MACROD2: variants seen among roughly 807,000 people sequenced by gnomAD.
MACROD2 encodes mono-ADP ribosylhydrolase 2.
A neutral mutation model predicts 70.4 loss-of-function variants in MACROD2; 36 were observed. The observed-to-expected ratio is 0.51, with a 90% CI of 0.39 to 0.68. MACROD2 has a LOEUF of 0.68. Among genes scored for constraint, MACROD2 ranks in the 30% least tolerant of loss-of-function variants. MACROD2 has a pLI of 0.00. For synonymous variants in MACROD2, 172 were observed against 178.8 expected, an observed-to-expected ratio of 0.96 and a Z score of 0.30; for missense variants, 496 against 538.4, an observed-to-expected ratio of 0.92 and a Z score of 0.78.
intron 6 of MACROD2, among the ~76,000 whole-genome samples, chr20:15,382,579 G>A (rs2045658722): frequency 1.3e-5 from 2 of 152,174 alleles, no homozygotes; most frequent in South Asian, 4.1e-4. Context: ...ACTTGATGAA[G>A]CAGACTCAGA....
At chr20:14,070,790 G>C (rs1244966390) in intron 2 of MACROD2, among the ~76,000 whole-genome samples, 1 of 152,036 alleles carries the variant, frequency 6.6e-6, no homozygotes, top group Non-Finnish European at 1.5e-5. Context: ...CAAAATACAG[G>C]GATTTCAATA....
intron 3 of MACROD2, among the ~76,000 whole-genome samples, chr20:14,372,484 A>G (rs2083334343): frequency 1.3e-5 from 2 of 152,070 alleles, no homozygotes; most frequent in Non-Finnish European, 2.9e-5. Context: ...GTGTCTTTTT[A>G]GTGGTATATT....
chr20:14,300,359 A>G (rs1024169760), intron 3 of MACROD2, among the ~76,000 whole-genome samples: 2 of 152,212 alleles, frequency 1.3e-5, no homozygotes, highest in African/African-American at 4.8e-5. Flanking sequence ...GTGCCTTGAA[A>G]ATAGATGTGT....
intron 7 of MACROD2, among the ~76,000 whole-genome samples, chr20:15,489,381 C>T (rs143777056): frequency 7.2e-5 from 11 of 152,172 alleles, no homozygotes; most frequent in African/African-American, 1.9e-4. Flanking sequence ...GGGAAAGAAG[C>T]GATGTCACAA....
chr20:15,980,134 T>A (rs928501117), intron 13 of MACROD2, among the ~76,000 whole-genome samples: 8 of 152,202 alleles, frequency 5.3e-5, no homozygotes, highest in African/African-American at 1.4e-4. Flanking sequence ...TTCACAATAG[T>A]CTTCTATACA....
intron 6 of MACROD2, among the ~76,000 whole-genome samples, chr20:15,326,755 G>A (rs1165272501): frequency 1.3e-5 from 2 of 152,072 alleles, no homozygotes; most frequent in African/African-American, 4.8e-5. Context: ...CCAAGACCAA[G>A]CATATACAGA....
rs965856630 is a variant in MACROD2, at chr20:14,976,653, A to G, written c.419-253287A>G. On this transcript the variant is annotated intron_variant, in intron 5 of 17. Coordinates refer to ENST00000684519, the MANE Select transcript of MACROD2 (RefSeq NM_001351661.2). ...TTTTAGCCTACCTCGGTTGGTTTCT[A>G]TGTAATATTCTAGATGGATGGAAAG... Among the ~76,000 whole-genome samples the G allele has an allele frequency of 2.2e-4, 33 of 152,144 alleles. 1 individual carries two copies. The highest frequency in any genetic ancestry group is 3.8e-4 in the Non-Finnish European group (26 of 68,028).
At chr20:15,045,419 G>T (rs1436916163) in intron 5 of MACROD2, among the ~76,000 whole-genome samples, 1 of 152,162 alleles carries the variant, frequency 6.6e-6, no homozygotes, top group Admixed American at 6.5e-5. Flanking sequence ...GTGAGTAAAG[G>T]ATTTGGCAGC....
Position 16,051,455 on chromosome 20 carries a change from A to ATAT in MACROD2, c.*1579_*1580insTAT, listed in dbSNP as rs2067457349. 5 of 152,182 alleles carry ATAT rather than the reference A, an allele frequency of 3.3e-5. No individual in the cohort carries two copies. Among genetic ancestry groups the ATAT allele is most frequent in the African/African-American group, 7.2e-5 (3 of 41,440 alleles). 9.4% of individuals were successfully genotyped at this position (152,182 alleles called of 1,614,324 possible). ...ATTTGATATACTGGAATAGTTAACAAGCTATACTTCAGCATATGCACTATA... is the reference window on the plus strand; with the variant it reads ...ATTTGATATACTGGAATAGTTAACAATATGCTATACTTCAGCATATGCACTATA... On this transcript the variant is annotated 3_prime_UTR_variant, in exon 18 of 18. Coordinates refer to ENST00000684519, the MANE Select transcript of MACROD2 (RefSeq NM_001351661.2).
chr20:15,064,710 A>G (rs1411200464), intron 5 of MACROD2, among the ~76,000 whole-genome samples: 1 of 152,236 alleles, frequency 6.6e-6, no homozygotes, highest in Non-Finnish European at 1.5e-5. Context: ...AGATGTGCAT[A>G]GGAGCTCTTT....
chr20:15,219,045 CAAA>C (rs1342587848), intron 5 of MACROD2, among the ~76,000 whole-genome samples: 11 of 140,346 alleles, frequency 7.8e-5, no homozygotes, highest in Admixed American at 7.1e-5. Context: ...GACTCCGTCT[CAAA>C]AAAAAAAAAT....
intron 4 of MACROD2, among the ~76,000 whole-genome samples, chr20:14,616,099 A>T (rs1053412668): frequency 1.1e-4 from 17 of 152,102 alleles, no homozygotes; most frequent in African/African-American, 3.9e-4. Flanking sequence ...TAGATTACTC[A>T]TGTTGATTTG....
chr20:15,889,176 T>C (rs2064858274), intron 10 of MACROD2, among the ~76,000 whole-genome samples: 1 of 152,120 alleles, frequency 6.6e-6, no homozygotes. Context: ...TAAACACAAA[T>C]ACCATGGTCT....
intron 5 of MACROD2, among the ~76,000 whole-genome samples, chr20:14,973,122 G>A (rs1332900474): frequency 6.6e-6 from 1 of 151,946 alleles, no homozygotes; most frequent in East Asian, 1.9e-4. Context: ...AGTTAATTAA[G>A]GGCATGTGAT....
At chr20:15,727,253 A>T (rs2050878442) in intron 8 of MACROD2, among the ~76,000 whole-genome samples, 1 of 152,018 alleles carries the variant, frequency 6.6e-6, no homozygotes, top group South Asian at 2.1e-4. Context: ...GGCTGTAGAT[A>T]GGCAGCTTTA....
intron 8 of MACROD2, among the ~76,000 whole-genome samples, chr20:15,583,198 A>G (rs748412361): frequency 1.3e-5 from 2 of 152,092 alleles, no homozygotes; most frequent in Non-Finnish European, 1.5e-5. Flanking sequence ...TGGCCTGTGC[A>G]CCTTGCCTAC....
At chr20:14,670,455 G>A (rs1340758199) in intron 4 of MACROD2, among the ~76,000 whole-genome samples, 1 of 152,028 alleles carries the variant, frequency 6.6e-6, no homozygotes, top group East Asian at 1.9e-4. Flanking sequence ...TTCTCCTCTG[G>A]CCCCTTCAGT....
intron 8 of MACROD2, among the ~76,000 whole-genome samples, chr20:15,860,793 A>G (rs1057423015): frequency 2.0e-5 from 3 of 152,110 alleles, no homozygotes; most frequent in African/African-American, 7.2e-5. Context: ...ATTCTCAAAA[A>G]GTTATGTGCG....
intron 6 of MACROD2, among the ~76,000 whole-genome samples, chr20:15,398,801 G>T (rs1297406678): frequency 6.6e-6 from 1 of 151,952 alleles, no homozygotes; most frequent in African/African-American, 2.4e-5. Flanking sequence ...TTGTTTGTTT[G>T]TTTGTTCTGT....
Sources: gnomAD v4.1 joint callset for allele counts (sites outside exome capture counted in the v4.1 genomes callset) on GRCh38, gnomAD v4.1.1 for gene constraint, MANE v1.5 for transcripts, NCBI Gene and HGNC (gene_info 2026-07-23, HGNC 2026-07-21) for gene names.